SH3PXD2B: variants seen among roughly 807,000 people sequenced by gnomAD.
SH3PXD2B encodes SH3 and PX domains 2B.
In SH3PXD2B, 37 loss-of-function variants were observed where a neutral mutation model predicts 73.1. That is an observed-to-expected ratio of 0.51 (90% CI 0.39 to 0.67). The LOEUF (loss-of-function observed/expected upper bound fraction) is 0.67. Among genes scored for constraint, SH3PXD2B ranks in the 30% least tolerant of loss-of-function variants. The probability of loss-of-function intolerance (pLI) is 0.00; values close to 1 mark genes in which losing one functional copy is unlikely to be tolerated. For synonymous variants in SH3PXD2B, 457 were observed against 480.5 expected, an observed-to-expected ratio of 0.95 and a Z score of 0.64; for missense variants, 1,053 against 1,197.8, an observed-to-expected ratio of 0.88 and a Z score of 1.78.
intron 2 of SH3PXD2B, among the ~76,000 whole-genome samples, chr5:172,408,046 C>G (rs868092507): frequency 6.6e-6 from 1 of 152,068 alleles, no homozygotes; most frequent in African/African-American, 2.4e-5. Flanking sequence ...CTGTTCTACA[C>G]GATGCCCTGG....
chr5:172,404,617 C>G (rs1237843206), intron 3 of SH3PXD2B, among the ~76,000 whole-genome samples: 1 of 152,154 alleles, frequency 6.6e-6, no homozygotes, highest in African/African-American at 2.4e-5. Flanking sequence ...AAGGGCCCGT[C>G]CAGCTCTAAA....
At chr5:172,406,584 G>A (rs1230120884) in intron 2 of SH3PXD2B, among the ~76,000 whole-genome samples, 1 of 152,190 alleles carries the variant, frequency 6.6e-6, no homozygotes, top group Non-Finnish European at 1.5e-5. Context: ...TTCAGAGTTA[G>A]GAGAGACCAT....
At chr5:172,325,351 A>T in exon 13 of SH3PXD2B, 1 of 1,535,444 alleles carries the variant, frequency 6.5e-7, no homozygotes, top group East Asian at 2.4e-5. Flanking sequence ...GGACTTCCAC[A>T]GGGCTCTCCA....
chr5:172,348,417 C>T (rs766604145), intron 10 of SH3PXD2B, among the ~76,000 whole-genome samples: 6 of 151,730 alleles, frequency 4.0e-5, no homozygotes, highest in Non-Finnish European at 8.8e-5. Context: ...AGTAGTGAGC[C>T]GTTCTGGACC....
rs562893861 is a variant in SH3PXD2B at position 172,326,646 on chromosome 5, C to G, written c.1189-1266G>C. On this transcript the variant is annotated intron_variant, in intron 12 of 12. Coordinates refer to the SH3PXD2B transcript ENST00000519643. Reference sequence around the variant, plus strand: ...TATATACTAGGCAGGGGTTGTCAAGCTCTGTAGTCCTTGGGCTTAACCCAT... The same window carrying G: ...TATATACTAGGCAGGGGTTGTCAAGGTCTGTAGTCCTTGGGCTTAACCCAT... Among the ~76,000 whole-genome samples, 7 of 152,266 alleles carry G rather than the reference C, an allele frequency of 4.6e-5. No individual in the cohort carries two copies. The East Asian group carries it at 1.3e-3, about 29-fold the overall frequency.
At chr5:172,352,840 T>G (rs56733196) in intron 9 of SH3PXD2B, among the ~76,000 whole-genome samples, 7,782 of 152,242 alleles carry the variant, frequency 0.051, 670 homozygotes, top group African/African-American at 0.18. Flanking sequence ...AACCTCTTTT[T>G]CTTCCCAGTC....
At chr5:172,395,185 C>A (rs1176204611) in intron 3 of SH3PXD2B, among the ~76,000 whole-genome samples, 1 of 152,310 alleles carries the variant, frequency 6.6e-6, no homozygotes, top group African/African-American at 2.4e-5. Context: ...GTTAAGAGTT[C>A]CTGGCTCTTT....
intron 4 of SH3PXD2B, among the ~76,000 whole-genome samples, chr5:172,393,540 TTTC>T (rs1758234014): frequency 6.6e-6 from 1 of 152,236 alleles, no homozygotes; most frequent in Admixed American, 6.5e-5. Flanking sequence ...ATGGCTTTTC[TTTC>T]TTTTTTGTGT....
At chr5:172,416,986 G>A (rs1412522877) in intron 2 of SH3PXD2B, among the ~76,000 whole-genome samples, 2 of 152,114 alleles carry the variant, frequency 1.3e-5, no homozygotes, top group East Asian at 3.9e-4. Context: ...TGGGATTACA[G>A]GTGTGAGCCA....
intron 4 of SH3PXD2B, among the ~76,000 whole-genome samples, chr5:172,387,241 T>A (rs74927009): frequency 0.038 from 5,796 of 152,284 alleles, 206 homozygotes; most frequent in South Asian, 0.2. Context: ...CTACACCGTA[T>A]GATGCTTAGT....
intron 9 of SH3PXD2B, among the ~76,000 whole-genome samples, chr5:172,351,103 A>G (rs1019300962): frequency 6.6e-6 from 1 of 152,196 alleles, no homozygotes; most frequent in African/African-American, 2.4e-5. Flanking sequence ...AGGGACTTCA[A>G]TGAGTGTCAT....
chr5:172,375,973 G>T (rs1468476520), intron 5 of SH3PXD2B, among the ~76,000 whole-genome samples: 3 of 151,780 alleles, frequency 2.0e-5, no homozygotes, highest in Non-Finnish European at 4.4e-5. Context: ...ATTCCCACCA[G>T]CAACGTATGA....
At chr5:172,441,414 C>T (rs561945478) in intron 1 of SH3PXD2B, among the ~76,000 whole-genome samples, 6 of 152,336 alleles carry the variant, frequency 3.9e-5, no homozygotes, top group East Asian at 3.9e-4. Context: ...GCACCAAGGA[C>T]GTCAGTGGCC....
At chr5:172,390,815 T>TGTGTGTGTGTG (rs1758168687) in intron 4 of SH3PXD2B, among the ~76,000 whole-genome samples, 155 of 139,994 alleles carry the variant, frequency 1.1e-3, no homozygotes, top group African/African-American at 3.9e-3. Context: ...TTCCCGTCTT[T>TGTGTGTGTGTG]TGTGTGTGTG....
rs1388603235 is a variant in SH3PXD2B at position 172,325,864 on chromosome 5, C to T, written c.1189-484G>A. 8.5e-5 allele frequency among the ~76,000 whole-genome samples: 13 copies of T among 152,332 alleles called. No homozygotes were observed. In the South Asian group the frequency reaches 1.0e-3, roughly 12 times the overall value. On this transcript the variant is annotated intron_variant, in intron 12 of 12. Transcript: ENST00000519643. ...GTGCAATGACACGATCTCCGCTCAC[C>T]GCAACCTCCGCCTCCCGGTTTCAAG...
chr5:172,424,437 G>T (rs1759049203), intron 1 of SH3PXD2B, among the ~76,000 whole-genome samples: 1 of 152,132 alleles, frequency 6.6e-6, no homozygotes, highest in African/African-American at 2.4e-5. Flanking sequence ...TTCCACAGTG[G>T]TTTTAGCCAG....
At chr5:172,420,689 C>T (rs780773470) in intron 2 of SH3PXD2B, among the ~76,000 whole-genome samples, 3 of 152,184 alleles carry the variant, frequency 2.0e-5, no homozygotes, top group African/African-American at 4.8e-5. Context: ...GCAGGGACCC[C>T]GGCAAGCCCA....
At chr5:172,401,577 C>T (rs181915438) in intron 3 of SH3PXD2B, among the ~76,000 whole-genome samples, 1 of 152,232 alleles carries the variant, frequency 6.6e-6, no homozygotes, top group African/African-American at 2.4e-5. Context: ...ATCGCCATGG[C>T]ACATTTATAT....
In SH3PXD2B at chr5:172,362,612, A is replaced by G. The variant is rs1051884324; in HGVS notation, c.562+123T>C. The G allele has an allele frequency of 6.5e-6, 9 of 1,391,000 alleles. No homozygotes were observed. The Admixed American group carries it at 1.4e-4, about 21-fold the overall frequency. 86.2% of individuals were successfully genotyped at this position (1,391,000 alleles called of 1,614,324 possible). ...AGGGGCCTCTTTCTAGGAGACCCTC[A>G]GCAGGATCTATGGGAACTGGCCAGT... On this transcript the variant is annotated intron_variant, in intron 7 of 12. Transcript: ENST00000311601.
Sources: gnomAD v4.1 joint callset for allele counts (sites outside exome capture counted in the v4.1 genomes callset) on GRCh38, gnomAD v4.1.1 for gene constraint, MANE v1.5 for transcripts, NCBI Gene and HGNC (gene_info 2026-07-23, HGNC 2026-07-21) for gene names.